Variants in DLGAP1 observed in about 807,000 individuals in gnomAD.
DLGAP1 encodes the protein DLG associated protein 1.
In DLGAP1, 11 loss-of-function variants were observed where a neutral mutation model predicts 90.8. The ratio of observed to expected loss-of-function variants is 0.12; its 90% confidence interval spans 0.08 to 0.20. The LOEUF (loss-of-function observed/expected upper bound fraction) is 0.20, where lower values mean the gene tolerates loss of function less well. DLGAP1 is among the 10% of genes least tolerant of loss of function. The pLI is 1.00. For missense variants in DLGAP1, 1,050 were observed against 1,333.8 expected (o/e 0.79, Z 3.31); for synonymous variants, 558 against 540.7 (o/e 1.03, Z -0.44).
At chr18:3,797,876 C>T (rs2066080759) in intron 5 of DLGAP1, among the ~76,000 whole-genome samples, 1 of 152,074 alleles carries the variant, frequency 6.6e-6, no homozygotes. Context: ...AGGGAGAGAC[C>T]TGGTAGAAGA....
chr18:4,424,092 A>G (rs2083100403), intron 1 of DLGAP1, among the ~76,000 whole-genome samples: 2 of 152,100 alleles, frequency 1.3e-5, no homozygotes, highest in Non-Finnish European at 2.9e-5. Context: ...TGGAGGTTGC[A>G]GTGAGCCGAG....
chr18:4,344,507 G>A (rs1313939798), intron 1 of DLGAP1, among the ~76,000 whole-genome samples: 1 of 152,154 alleles, frequency 6.6e-6, no homozygotes, highest in Non-Finnish European at 1.5e-5. Flanking sequence ...TAGTAGAAGA[G>A]TTTACAGATG....
At chr18:3,956,593 C>T (rs1309522979) in intron 3 of DLGAP1, among the ~76,000 whole-genome samples, 1 of 152,056 alleles carries the variant, frequency 6.6e-6, no homozygotes, top group Non-Finnish European at 1.5e-5. Context: ...CGTGATCCAC[C>T]CGCCTTGGCC....
intron 1 of DLGAP1, among the ~76,000 whole-genome samples, chr18:4,338,279 T>A (rs574371863): frequency 1.1e-3 from 163 of 152,342 alleles, no homozygotes; most frequent in Admixed American, 8.8e-3. Context: ...AGCTGGAATG[T>A]AAAATCCCTA....
intron 10 of DLGAP1, among the ~76,000 whole-genome samples, chr18:3,519,426 C>A (rs1277623767): frequency 6.6e-6 from 1 of 152,180 alleles, no homozygotes; most frequent in East Asian, 1.9e-4. Context: ...TTACCTCCCT[C>A]TCTAACTCTA....
At chr18:3,945,846 T>C (rs2072866994) in intron 3 of DLGAP1, among the ~76,000 whole-genome samples, 1 of 152,188 alleles carries the variant, frequency 6.6e-6, no homozygotes, top group Non-Finnish European at 1.5e-5. Flanking sequence ...TGGGGTTTCC[T>C]TTAAATATAA....
At chr18:3,872,626 A>G (rs2070823241) in intron 4 of DLGAP1, among the ~76,000 whole-genome samples, 1 of 152,174 alleles carries the variant, frequency 6.6e-6, no homozygotes, top group South Asian at 2.1e-4. Flanking sequence ...TACTGCATAT[A>G]TTTTTTAGCA....
At chr18:3,590,517 C>T (rs760238388) in intron 7 of DLGAP1, among the ~76,000 whole-genome samples, 5 of 152,168 alleles carry the variant, frequency 3.3e-5, no homozygotes, top group Admixed American at 1.3e-4. Context: ...GAGTGGTGCC[C>T]GTTTGCAAAC....
Position 4,270,203 on chromosome 18 carries a change from C to T in DLGAP1, c.-266-118916G>A, listed in dbSNP as rs181443113. On this transcript the variant is annotated intron_variant, in intron 1 of 12. Transcript: ENST00000315677. ...CACTAATACAGGGTGGTTTCATTCGCACTTGGCACCTCTCAGGTAGGTTGT... is the reference window on the plus strand; with the variant it reads ...CACTAATACAGGGTGGTTTCATTCGTACTTGGCACCTCTCAGGTAGGTTGT... Among the ~76,000 whole-genome samples, 11 of 152,326 alleles carry T rather than the reference C, an allele frequency of 7.2e-5. No homozygotes were observed. In the East Asian group the frequency reaches 1.2e-3, roughly 16 times the overall value.
At chr18:3,748,805 G>A (rs1395083132) in intron 5 of DLGAP1, among the ~76,000 whole-genome samples, 1 of 152,166 alleles carries the variant, frequency 6.6e-6, no homozygotes, top group Non-Finnish European at 1.5e-5. Context: ...ATCAAACACA[G>A]GGCATTTTAG....
chr18:3,808,515 T>C (rs1479847790), intron 5 of DLGAP1, among the ~76,000 whole-genome samples: 1 of 152,140 alleles, frequency 6.6e-6, no homozygotes, highest in Non-Finnish European at 1.5e-5. Context: ...CATTTGCTAT[T>C]ATACGTTACA....
At chr18:4,154,824 G>T (rs181602279) in intron 1 of DLGAP1, among the ~76,000 whole-genome samples, 3 of 152,206 alleles carry the variant, frequency 2.0e-5, no homozygotes, top group Admixed American at 2.0e-4. Flanking sequence ...TCATTCATTC[G>T]CCCCACCGTT....
intron 8 of DLGAP1, among the ~76,000 whole-genome samples, chr18:3,577,438 T>C (rs1427989910): frequency 2.0e-5 from 3 of 152,240 alleles, no homozygotes; most frequent in Non-Finnish European, 4.4e-5. Flanking sequence ...ACCAATTCCA[T>C]ATGACTACAC....
chr18:4,088,903 G>GC (rs1370573580), intron 2 of DLGAP1, among the ~76,000 whole-genome samples: 1 of 152,174 alleles, frequency 6.6e-6, no homozygotes, highest in African/African-American at 2.4e-5. Flanking sequence ...AGACAAGGAT[G>GC]CCCTCTCTCA....
At position 3,602,593 on chromosome 18, in the gene DLGAP1, CAAAAAAAA is replaced by C. The variant is rs71159102; in HGVS notation, c.1592-20353_1592-20346del. ...CTGGGCGACAGAGCGAGACTCCGTC[CAAAAAAAA>C]AAAAAAAAAAAAAAACAAAGAAACT... On this transcript the variant is annotated intron_variant, in intron 7 of 12. Transcript: ENST00000315677. 1.1e-3 allele frequency among the ~76,000 whole-genome samples: 75 copies of C among 66,680 alleles called. 1 individual carries two copies. The highest frequency in any genetic ancestry group is 3.8e-3 in the African/African-American group (61 of 16,242). The allele number at this position is 66,680 out of a possible 152,430, so 43.7% of individuals were successfully genotyped here. A position where few individuals can be genotyped will look rare whatever the true frequency, so the allele number is the denominator to read the frequency against.
At chr18:3,903,471 T>A (rs1226430566) in intron 3 of DLGAP1, among the ~76,000 whole-genome samples, 1 of 152,224 alleles carries the variant, frequency 6.6e-6, no homozygotes, top group Non-Finnish European at 1.5e-5. Context: ...TGGACACCCA[T>A]GGATTTACGT....
intron 2 of DLGAP1, among the ~76,000 whole-genome samples, chr18:4,096,624 T>G (rs2075684450): frequency 6.6e-6 from 1 of 152,288 alleles, no homozygotes; most frequent in South Asian, 2.1e-4. Context: ...ACCCTCCCAG[T>G]TCTTTAGGAT....
rs1433907136 is a variant in DLGAP1 at position 3,772,124 on chromosome 18, C to CTT, written c.1173-29614_1173-29613dup. On this transcript the variant is annotated intron_variant, in intron 5 of 12. Coordinates refer to ENST00000315677, the MANE Select transcript of DLGAP1 (RefSeq NM_004746.4). Reference sequence around the variant, plus strand: ...TTCTTTTCTTTTCTTTCCTTTCTTTCTTTTCTTTTCTTTCTCTCCTTCCTT... The same window carrying CTT: ...TTCTTTTCTTTTCTTTCCTTTCTTTCTTTTTTCTTTTCTTTCTCTCCTTCCTT... Among the ~76,000 whole-genome samples the CTT allele has an allele frequency of 1.2e-3, 183 of 150,958 alleles. 1 individual carries two copies. Among genetic ancestry groups the CTT allele is most frequent in the African/African-American group, 4.3e-3 (174 of 40,800 alleles).
intron 3 of DLGAP1, among the ~76,000 whole-genome samples, chr18:3,892,596 A>C (rs2071499595): frequency 6.6e-6 from 1 of 152,228 alleles, no homozygotes; most frequent in African/African-American, 2.4e-5. Context: ...TTGAGAAAAT[A>C]AATCACATAA....
Sources: allele counts gnomAD v4.1 joint callset (sites outside exome capture counted in the v4.1 genomes callset), GRCh38; gene constraint gnomAD v4.1.1; transcripts MANE v1.5; gene names NCBI Gene and HGNC (gene_info 2026-07-23, HGNC 2026-07-21).